The following LRP1B variants were observed in gnomAD, a reference collection of about 807,000 sequenced individuals.
LRP1B encodes the protein low-density lipoprotein receptor-related protein 1B.
LRP1B carries 217 observed loss-of-function variants against 556.6 expected under a neutral mutation model. That is an observed-to-expected ratio of 0.39 (90% CI 0.35 to 0.44). The LOEUF is 0.44. Among genes scored for constraint, LRP1B ranks in the 20% least tolerant of loss-of-function variants. The probability of loss-of-function intolerance (pLI) is 1.00; values close to 1 mark genes in which losing one functional copy is unlikely to be tolerated. For missense variants in LRP1B, 5,053 were observed against 5,620.8 expected (o/e 0.90, Z 3.23); for synonymous variants, 2,047 against 1,865.8 (o/e 1.10, Z -2.50).
At chr2:141,196,788 C>G (rs578045173) in intron 6 of LRP1B, among the ~76,000 whole-genome samples, 5 of 152,104 alleles carry the variant, frequency 3.3e-5, no homozygotes, top group Admixed American at 1.3e-4. Flanking sequence ...CAAACTGCAA[C>G]GGTTTACTCC....
chr2:140,759,045 T>C (rs1210608384), intron 35 of LRP1B, among the ~76,000 whole-genome samples: 1 of 152,130 alleles, frequency 6.6e-6, no homozygotes, highest in Non-Finnish European at 1.5e-5. Flanking sequence ...CTTGTGAATG[T>C]TTGTTTTTTT....
chr2:140,700,180 C>A, intron 41 of LRP1B, 70 bp downstream of exon 41: 1 of 1,319,276 alleles, frequency 7.6e-7, no homozygotes, highest in East Asian at 2.3e-5. Flanking sequence ...ATGCAATTAC[C>A]ACTATTATTT....
chr2:140,987,056 A>AT (rs1339984172), intron 17 of LRP1B, among the ~76,000 whole-genome samples: 2 of 152,188 alleles, frequency 1.3e-5, no homozygotes, highest in African/African-American at 4.8e-5. Flanking sequence ...TAAATATGCC[A>AT]TTTTTTTCCA....
chr2:141,729,401 C>T lies in LRP1B; in HGVS notation c.205+80878G>A, dbSNP rs59788475. Among the ~76,000 whole-genome samples, 678 of 152,132 alleles carry T rather than the reference C, an allele frequency of 4.5e-3. 6 individuals carry two copies. Among genetic ancestry groups the T allele is most frequent in the African/African-American group, 0.016 (658 of 41,492 alleles). On this transcript the variant is annotated intron_variant, in intron 2 of 90. Coordinates refer to ENST00000389484, the MANE Select transcript of LRP1B (RefSeq NM_018557.3). ...GGTATTACTGGTTTTGAAGAAGGGT[C>T]TTAGCAGGCAGACTTTAAAGATTAT...
At chr2:141,673,073 G>A (rs544266994) in intron 2 of LRP1B, among the ~76,000 whole-genome samples, 3 of 152,260 alleles carry the variant, frequency 2.0e-5, no homozygotes, top group African/African-American at 7.2e-5. Flanking sequence ...AAGTGTTAGA[G>A]TAAGTCTGAC....
intron 84 of LRP1B, among the ~76,000 whole-genome samples, chr2:140,277,881 TATACCC>T (rs897346625): frequency 1.7e-4 from 26 of 151,956 alleles, no homozygotes; most frequent in Admixed American, 5.3e-4. Context: ...ACTATTAACA[TATACCC>T]AAAAGAAAAG....
intron 49 of LRP1B, among the ~76,000 whole-genome samples, chr2:140,520,057 A>T (rs1441323386): frequency 6.6e-6 from 1 of 152,170 alleles, no homozygotes; most frequent in Non-Finnish European, 1.5e-5. Context: ...ACGATTCCTC[A>T]AGGATCTAGA....
At chr2:140,653,402 A>G (rs1684758429) in intron 41 of LRP1B, among the ~76,000 whole-genome samples, 1 of 152,098 alleles carries the variant, frequency 6.6e-6, no homozygotes, top group Admixed American at 6.6e-5. Flanking sequence ...GCAAAGGAGA[A>G]AAAAAGAGAT....
intron 18 of LRP1B, among the ~76,000 whole-genome samples, chr2:140,971,468 C>A (rs907654908): frequency 1.1e-4 from 16 of 152,194 alleles, no homozygotes; most frequent in African/African-American, 3.6e-4. Context: ...GCAACAATTT[C>A]TTGTGGTAGC....
chr2:140,505,271 C>CT (rs141626799), intron 53 of LRP1B, among the ~76,000 whole-genome samples: 24,273 of 152,086 alleles, frequency 0.16, 2,353 homozygotes, highest in Non-Finnish European at 0.22. Context: ...GTGAAGTGAC[C>CT]TTTTCAAGGT....
chr2:140,329,872 T>C (rs868033488), intron 79 of LRP1B, among the ~76,000 whole-genome samples: 2 of 143,112 alleles, frequency 1.4e-5, no homozygotes, highest in Non-Finnish European at 3.1e-5. Flanking sequence ...TTGACATCCT[T>C]CACCAAATTA....
chr2:141,040,663 T>C (rs898163849), intron 11 of LRP1B, among the ~76,000 whole-genome samples: 6 of 151,916 alleles, frequency 3.9e-5, no homozygotes, highest in Admixed American at 6.6e-5. Flanking sequence ...GTGTCAGTAG[T>C]AGGATTTCTA....
intron 2 of LRP1B, among the ~76,000 whole-genome samples, chr2:141,606,730 G>A (rs1687928498): frequency 6.6e-6 from 1 of 152,112 alleles, no homozygotes; most frequent in Admixed American, 6.5e-5. Flanking sequence ...AAGGAGAGAG[G>A]CGTCAGGTGA....
At chr2:141,412,331 T>C (rs1021707959) in intron 3 of LRP1B, among the ~76,000 whole-genome samples, 1 of 152,234 alleles carries the variant, frequency 6.6e-6, no homozygotes, top group Admixed American at 6.5e-5. Flanking sequence ...AGAGAATTCA[T>C]ACAAATGAGC....
chr2:140,370,311 T>C (rs567754816), intron 71 of LRP1B, among the ~76,000 whole-genome samples: 1 of 152,156 alleles, frequency 6.6e-6, no homozygotes, highest in African/African-American at 2.4e-5. Context: ...GTATGCCATA[T>C]GTTGTTCCTA....
intron 53 of LRP1B, among the ~76,000 whole-genome samples, chr2:140,506,369 C>T (rs1176173951): frequency 3.9e-5 from 6 of 151,924 alleles, no homozygotes; most frequent in Admixed American, 1.3e-4. Context: ...CTCAGGCTCC[C>T]GAGTAGCTGG....
chr2:141,752,940 T>C (rs1694169879), intron 2 of LRP1B, among the ~76,000 whole-genome samples: 1 of 686 alleles, frequency 1.5e-3, no homozygotes, highest in African/African-American at 1.7e-3. Flanking sequence ...TGAGACCCTG[T>C]CTCAGAAAAA....
intron 1 of LRP1B, among the ~76,000 whole-genome samples, chr2:142,031,655 A>G (rs1703716721): frequency 6.6e-6 from 1 of 151,494 alleles, no homozygotes; most frequent in Non-Finnish European, 1.5e-5. Flanking sequence ...AAAAAATGAC[A>G]TATTGTCAAC....
chr2:140,992,826 T>G (rs78922374), intron 16 of LRP1B, among the ~76,000 whole-genome samples: 3,467 of 151,806 alleles, frequency 0.023, 68 homozygotes, highest in Non-Finnish European at 0.031. Flanking sequence ...GTATTTAAAT[T>G]TTTTTTGTGG....
Sources: gnomAD v4.1 joint callset for allele counts (sites outside exome capture counted in the v4.1 genomes callset) on GRCh38, gnomAD v4.1.1 for gene constraint, MANE v1.5 for transcripts, NCBI Gene and HGNC (gene_info 2026-07-23, HGNC 2026-07-21) for gene names.